CAMK2B: variants seen among roughly 807,000 people sequenced by gnomAD.
CAMK2B encodes the protein calcium/calmodulin-dependent protein kinase type II subunit beta.
CAMK2B carries 27 observed loss-of-function variants against 93.7 expected under a neutral mutation model. That is an observed-to-expected ratio of 0.29 (90% CI 0.21 to 0.40). The LOEUF is 0.40. CAMK2B is among the 10% of genes least tolerant of loss of function. CAMK2B has a pLI of 1.00. For missense variants in CAMK2B, 568 were observed against 895.8 expected (o/e 0.63, Z 4.67); for synonymous variants, 374 against 358.8 (o/e 1.04, Z -0.48).
intron 6 of CAMK2B, among the ~76,000 whole-genome samples, chr7:44,245,382 G>A (rs1253298363): frequency 6.6e-6 from 1 of 152,200 alleles, no homozygotes; most frequent in Non-Finnish European, 1.5e-5. Flanking sequence ...GTGGATTTCT[G>A]TCCAGGAGAA....
chr7:44,234,357 G>T, intron 15 of CAMK2B, 33 bp downstream of exon 15: 2 of 1,480,384 alleles, frequency 1.4e-6, no homozygotes, highest in Non-Finnish European at 9.0e-7. Context: ...GGCGTAGGAG[G>T]GGCTGAGAGG....
At chr7:44,261,228 T>C (rs746251019) in intron 3 of CAMK2B, among the ~76,000 whole-genome samples, 26 of 152,204 alleles carry the variant, frequency 1.7e-4, no homozygotes, top group Admixed American at 6.5e-5. Flanking sequence ...TCCTTTCCAG[T>C]GGGGGCTGCC....
In CAMK2B at chr7:44,282,597, G is replaced by A. The variant is rs568946797; in HGVS notation, c.160+1534C>T. Among the ~76,000 whole-genome samples, 11 of 152,370 alleles carry A rather than the reference G, an allele frequency of 7.2e-5. No individual in the cohort carries two copies. The South Asian group carries it at 2.1e-3, about 29-fold the overall frequency. ...GAGGAGGCAGACAAGGGCTGGGACA[G>A]GAGCAGGTCCCACTGCAGCCTAAAG... On this transcript the variant is annotated intron_variant, in intron 2 of 23. Transcript: ENST00000395749.
chr7:44,293,917 C>G (rs1478145995), intron 1 of CAMK2B, among the ~76,000 whole-genome samples: 6 of 152,318 alleles, frequency 3.9e-5, no homozygotes, highest in African/African-American at 1.4e-4. Context: ...CCTCAGGGAC[C>G]TCACATCTCA....
At chr7:44,292,213 A>C (rs2129143279) in intron 1 of CAMK2B, among the ~76,000 whole-genome samples, 1 of 152,216 alleles carries the variant, frequency 6.6e-6, no homozygotes, top group African/African-American at 2.4e-5. Context: ...CTTCACAGTT[A>C]CATGGCATTC....
chr7:44,233,106 T>C (rs1583943872), intron 15 of CAMK2B, among the ~76,000 whole-genome samples: 1 of 151,662 alleles, frequency 6.6e-6, no homozygotes, highest in African/African-American at 2.4e-5. Flanking sequence ...CTGGCGGAGG[T>C]GCTGCTGTCC....
At chr7:44,287,496 C>G (rs1413276757) in intron 1 of CAMK2B, among the ~76,000 whole-genome samples, 2 of 152,290 alleles carry the variant, frequency 1.3e-5, no homozygotes, top group Admixed American at 1.3e-4. Flanking sequence ...TGCCAGACGG[C>G]AATCTGTCAC....
chr7:44,325,556 G>A lies in CAMK2B; in HGVS notation c.-135C>T, dbSNP rs1351298742. 6.2e-6 allele frequency: 2 copies of A among 323,886 alleles called. No individual in the cohort carries two copies. Among genetic ancestry groups the A allele is most frequent in the Non-Finnish European group, 8.8e-6 (2 of 228,402 alleles). 20.1% of individuals were successfully genotyped at this position (323,886 alleles called of 1,614,324 possible). A position where few individuals can be genotyped will look rare whatever the true frequency, so the allele number is the denominator to read the frequency against. Reference sequence around the variant, plus strand: ...CGGCTCGCGGCGCCAGGCGGGGGCCGGGCTGGGCTGCGCCGGGCGGCGAGC... The same window carrying A: ...CGGCTCGCGGCGCCAGGCGGGGGCCAGGCTGGGCTGCGCCGGGCGGCGAGC... On this transcript the variant is annotated 5_prime_UTR_variant, in exon 1 of 24. Transcript: ENST00000395749.
In CAMK2B at chr7:44,229,191, G is replaced by A. The variant is rs188718464; in HGVS notation, c.1339+197C>T. ...GCCCAGTGGCCTTGAGCAGGAAAGT[G>A]GTCCAGGGCCCTCCTCACAAAGAGG... On this transcript the variant is annotated intron_variant, in intron 18 of 23. Coordinates refer to ENST00000395749, the MANE Select transcript of CAMK2B (RefSeq NM_001220.5). 3.1e-5 allele frequency: 19 copies of A among 608,914 alleles called. No homozygotes were observed. The African/African-American group carries it at 3.2e-4, about 10-fold the overall frequency. 37.7% of individuals were successfully genotyped at this position (608,914 alleles called of 1,614,324 possible). A position where few individuals can be genotyped will look rare whatever the true frequency, so the allele number is the denominator to read the frequency against.
At chr7:44,315,382 C>A (rs1455813280) in intron 1 of CAMK2B, among the ~76,000 whole-genome samples, 1 of 152,178 alleles carries the variant, frequency 6.6e-6, no homozygotes, top group African/African-American at 2.4e-5. Context: ...ATCAACTGAA[C>A]ATAGATGTAT....
intron 3 of CAMK2B, among the ~76,000 whole-genome samples, chr7:44,260,558 C>A (rs2096871546): frequency 6.6e-6 from 1 of 152,310 alleles, no homozygotes; most frequent in Admixed American, 6.5e-5. Flanking sequence ...CCTCAATCTG[C>A]CCCTCTATGA....
intron 1 of CAMK2B, among the ~76,000 whole-genome samples, chr7:44,308,390 G>A (rs750483242): frequency 1.3e-5 from 2 of 152,136 alleles, no homozygotes; most frequent in African/African-American, 2.4e-5. Flanking sequence ...CCCCATGCCT[G>A]TGTGTGGTGG....
In CAMK2B at chr7:44,288,276, C is replaced by T. The variant is rs569056867; in HGVS notation, c.66-4051G>A. 4.6e-5 allele frequency among the ~76,000 whole-genome samples: 7 copies of T among 152,356 alleles called. No homozygotes were observed. The East Asian group carries it at 1.3e-3, about 29-fold the overall frequency. On this transcript the variant is annotated intron_variant, in intron 1 of 23. Coordinates refer to ENST00000395749, the MANE Select transcript of CAMK2B (RefSeq NM_001220.5). ...CGGTCTTCTTATCTGGAAGCACGGG[C>T]GGGCCTAGCAGGCGGCAGCATGGTC...
At chr7:44,287,869 T>G (rs78103908) in intron 1 of CAMK2B, among the ~76,000 whole-genome samples, 1,780 of 152,356 alleles carry the variant, frequency 0.012, 34 homozygotes, top group African/African-American at 0.041. Flanking sequence ...GTTTACTTAA[T>G]TATCTACCTG....
chr7:44,230,500 T>A (rs1158905380), intron 17 of CAMK2B, among the ~76,000 whole-genome samples: 3 of 152,064 alleles, frequency 2.0e-5, no homozygotes, highest in Non-Finnish European at 4.4e-5. Context: ...ACACAAGACA[T>A]TGGCCTGGGT....
chr7:44,304,099 G>C (rs948929623), intron 1 of CAMK2B, among the ~76,000 whole-genome samples: 1 of 152,202 alleles, frequency 6.6e-6, no homozygotes, highest in African/African-American at 2.4e-5. Context: ...ACCACCAAAT[G>C]ATGGTAAGAA....
At chr7:44,241,814 C>T (rs369641051) in intron 10 of CAMK2B, 31 bp from the exon 11 acceptor site, 15 of 1,580,214 alleles carry the variant, frequency 9.5e-6, no homozygotes, top group African/African-American at 6.7e-5. Flanking sequence ...ATATGGCAGC[C>T]GAGCCCGAGG....
chr7:44,245,275 G>A (rs907366399), intron 6 of CAMK2B, among the ~76,000 whole-genome samples: 1 of 152,096 alleles, frequency 6.6e-6, no homozygotes, highest in Non-Finnish European at 1.5e-5. Context: ...AGTTCCCTGG[G>A]ATGACATCAA....
chr7:44,228,563 T>A (rs2096543707), intron 19 of CAMK2B, among the ~76,000 whole-genome samples: 1 of 149,924 alleles, frequency 6.7e-6, no homozygotes, highest in Admixed American at 6.6e-5. Flanking sequence ...GAGCGGGGAG[T>A]GGCAGTGGGA....
Sources: allele counts gnomAD v4.1 joint callset (sites outside exome capture counted in the v4.1 genomes callset), GRCh38; gene constraint gnomAD v4.1.1; transcripts MANE v1.5; gene names NCBI Gene and HGNC (gene_info 2026-07-23, HGNC 2026-07-21).